The following ANK1 variants were observed in gnomAD, a reference collection of about 807,000 sequenced individuals.
ANK1 encodes the protein ankyrin 1.
In ANK1, 51 loss-of-function variants were observed where a neutral mutation model predicts 210.4. The observed-to-expected ratio is 0.24, with a 90% CI of 0.19 to 0.31. The LOEUF (loss-of-function observed/expected upper bound fraction) is 0.31, where lower values mean the gene tolerates loss of function less well. ANK1 is among the 10% of genes least tolerant of loss of function. The probability of loss-of-function intolerance (pLI) is 1.00; values close to 1 mark genes in which losing one functional copy is unlikely to be tolerated. For missense variants in ANK1, 2,051 were observed against 2,504.4 expected (o/e 0.82, Z 3.86); for synonymous variants, 967 against 1,025.9 (o/e 0.94, Z 1.10).
At chr8:41,876,005 C>A (rs1385539933) in intron 1 of ANK1, among the ~76,000 whole-genome samples, 1 of 151,952 alleles carries the variant, frequency 6.6e-6, no homozygotes, top group African/African-American at 2.4e-5. Context: ...CCTGGCCCCG[C>A]GCGCGCACGT....
At chr8:41,876,170 C>T (rs922742829) in intron 1 of ANK1, among the ~76,000 whole-genome samples, 30 of 152,234 alleles carry the variant, frequency 2.0e-4, no homozygotes, top group Non-Finnish European at 3.7e-4. Flanking sequence ...CCCGAGGCGG[C>T]GCTCCCCAGG....
chr8:41,760,415 C>G (rs1412760226), intron 1 of ANK1, among the ~76,000 whole-genome samples: 1 of 152,194 alleles, frequency 6.6e-6, no homozygotes, highest in Non-Finnish European at 1.5e-5. Flanking sequence ...TTTGCTCTTC[C>G]TTCATCTTCT....
chr8:41,712,949 G>A (rs934883578), intron 16 of ANK1, among the ~76,000 whole-genome samples: 4 of 152,176 alleles, frequency 2.6e-5, no homozygotes, highest in Non-Finnish European at 4.4e-5. Context: ...TCTGCACAGC[G>A]ACGTGGGACT....
intron 1 of ANK1, among the ~76,000 whole-genome samples, chr8:41,827,727 C>A (rs1805661426): frequency 1.1e-5 from 1 of 87,484 alleles, no homozygotes; most frequent in African/African-American, 6.6e-5. Context: ...CTCACACTCA[C>A]ACACATCCAC....
intron 10 of ANK1, 40 bp downstream of exon 10, chr8:41,719,621 C>A: frequency 6.2e-7 from 1 of 1,613,384 alleles, no homozygotes; most frequent in Middle Eastern, 1.7e-4. Flanking sequence ...CCCAGCCTGC[C>A]CTGCCACTCT....
chr8:41,658,325 G>GT (rs1806494527), intron 42 of ANK1, among the ~76,000 whole-genome samples: 2 of 152,212 alleles, frequency 1.3e-5, no homozygotes, highest in African/African-American at 4.8e-5. Context: ...ACCTGCAATT[G>GT]TTTGAGTCCC....
intron 1 of ANK1, among the ~76,000 whole-genome samples, chr8:41,805,005 G>A (rs780566042): frequency 4.0e-5 from 6 of 151,666 alleles, no homozygotes; most frequent in Non-Finnish European, 7.4e-5. Context: ...TTTTTATCTC[G>A]GGACCCTTTT....
intron 33 of ANK1, 31 bp downstream of exon 33, chr8:41,690,196 G>A: frequency 1.2e-6 from 2 of 1,613,958 alleles, no homozygotes; most frequent in Non-Finnish European, 1.7e-6. Context: ...AGCCGTCTCG[G>A]GCCAAGGCTC....
intron 1 of ANK1, among the ~76,000 whole-genome samples, chr8:41,880,208 G>C (rs1817334891): frequency 6.6e-6 from 1 of 152,096 alleles, no homozygotes; most frequent in African/African-American, 2.4e-5. Flanking sequence ...TTGGAATATG[G>C]CCATGCTCGT....
intron 1 of ANK1, among the ~76,000 whole-genome samples, chr8:41,807,561 G>T (rs1382966409): frequency 6.6e-6 from 1 of 152,086 alleles, no homozygotes; most frequent in Non-Finnish European, 1.5e-5. Flanking sequence ...ACAGGAAATG[G>T]CATTGAAGAG....
intron 2 of ANK1, among the ~76,000 whole-genome samples, chr8:41,739,900 C>T (rs1415977544): frequency 1.3e-5 from 2 of 152,138 alleles, no homozygotes; most frequent in East Asian, 3.9e-4. Flanking sequence ...ACTCTTCTCC[C>T]AGCAGTGGCC....
At chr8:41,859,947 C>A (rs1812961254) in intron 1 of ANK1, among the ~76,000 whole-genome samples, 2 of 151,906 alleles carry the variant, frequency 1.3e-5, no homozygotes, top group African/African-American at 4.8e-5. Flanking sequence ...CTCTGTTGAC[C>A]TCTGCCACCA....
intron 1 of ANK1, among the ~76,000 whole-genome samples, chr8:41,827,694 A>G (rs1805635963): frequency 6.7e-5 from 1 of 14,932 alleles, no homozygotes; most frequent in Non-Finnish European, 1.8e-4. Flanking sequence ...ATACACACTC[A>G]CACACACTCA....
chr8:41,864,016 G>A (rs150251098), intron 1 of ANK1, among the ~76,000 whole-genome samples: 1,797 of 152,188 alleles, frequency 0.012, 36 homozygotes, highest in African/African-American at 0.042. Flanking sequence ...AGGCCGAGGC[G>A]GGTGGATCAC....
chr8:41,756,901 A>G (rs1056474551), intron 2 of ANK1, among the ~76,000 whole-genome samples: 1 of 152,242 alleles, frequency 6.6e-6, no homozygotes, highest in Non-Finnish European at 1.5e-5. Context: ...CAGAGGAACC[A>G]TGAAGACACT....
At chr8:41,675,875 CTT>C (rs887592947) in intron 37 of ANK1, among the ~76,000 whole-genome samples, 10 of 152,358 alleles carry the variant, frequency 6.6e-5, no homozygotes, top group African/African-American at 2.4e-4. Context: ...TGCACTCTCT[CTT>C]TCTTTAAAGC....
rs1426648951 is a variant in ANK1, at chr8:41,672,621, G to A, written c.4829C>T (p.Pro1610Leu). 9 of 1,614,062 alleles carry A rather than the reference G, an allele frequency of 5.6e-6. No individual in the cohort carries two copies. The highest frequency in any genetic ancestry group is 4.4e-5 in the South Asian group (4 of 91,090). ...WKLEGALSEE[P>L]RGPELGSLEL... ...CAGAGAGCCCAACTCGGGGCCCCGCGGTTCCTCTGAGAGTGCCCCCTCCAA... is the reference window on the plus strand; with the variant it reads ...CAGAGAGCCCAACTCGGGGCCCCGCAGTTCCTCTGAGAGTGCCCCCTCCAA... The change falls in exon 38 of 43, where the codon CCG (proline) becomes CTG (leucine). Residue 1610 changes from proline to leucine, a missense_variant. Coordinates refer to ENST00000289734, the MANE Select transcript of ANK1 (RefSeq NM_000037.4).
At chr8:41,738,813 C>A (rs1834027514) in intron 2 of ANK1, among the ~76,000 whole-genome samples, 1 of 152,246 alleles carries the variant, frequency 6.6e-6, no homozygotes, top group South Asian at 2.1e-4. Flanking sequence ...CTCACCTTCA[C>A]AGCCACTTTT....
At chr8:41,826,887 C>T (rs1805483121) in intron 1 of ANK1, among the ~76,000 whole-genome samples, 2 of 152,200 alleles carry the variant, frequency 1.3e-5, no homozygotes, top group African/African-American at 2.4e-5. Context: ...TCCCCTCCAT[C>T]CATCTAAATC....
Sources: gnomAD v4.1 joint callset for allele counts (sites outside exome capture counted in the v4.1 genomes callset) on GRCh38, gnomAD v4.1.1 for gene constraint, MANE v1.5 for transcripts, NCBI Gene and HGNC (gene_info 2026-07-23, HGNC 2026-07-21) for gene names.